The following NAV2 variants were observed in gnomAD, a reference collection of about 807,000 sequenced individuals.
NAV2 encodes the protein helicase, APC down-regulated 1.
A neutral mutation model predicts 223.2 loss-of-function variants in NAV2; 54 were observed. The ratio of observed to expected loss-of-function variants is 0.24; its 90% CI spans 0.19 to 0.30. The LOEUF (loss-of-function observed/expected upper bound fraction) is 0.30, where lower values mean the gene tolerates loss of function less well. NAV2 is among the 10% of genes least tolerant of loss of function. NAV2 has a pLI of 1.00. For synonymous variants in NAV2, 1,279 were observed against 1,239.3 expected (o/e 1.03, Z -0.67); for missense variants, 2,806 against 3,147.5 (o/e 0.89, Z 2.60).
chr11:19,419,025 A>C (rs1194579266), intron 1 of NAV2, among the ~76,000 whole-genome samples: 1 of 152,108 alleles, frequency 6.6e-6, no homozygotes, highest in South Asian at 2.1e-4. Flanking sequence ...TAGGGACTCA[A>C]GGAGGGTATA....
chr11:19,819,827 A>G (rs986425623), intron 1 of NAV2, among the ~76,000 whole-genome samples: 18 of 152,346 alleles, frequency 1.2e-4, no homozygotes, highest in African/African-American at 4.3e-4. Context: ...GGATTGCCCA[A>G]AGCCACAAAG....
chr11:19,479,079 G>T (rs1195159132), intron 1 of NAV2, among the ~76,000 whole-genome samples: 4 of 152,134 alleles, frequency 2.6e-5, no homozygotes, highest in Non-Finnish European at 5.9e-5. Flanking sequence ...CTGGAGGGTC[G>T]CTGTGAGTTG....
At chr11:19,545,239 C>T (rs1005668369) in intron 1 of NAV2, among the ~76,000 whole-genome samples, 1 of 152,208 alleles carries the variant, frequency 6.6e-6, no homozygotes, top group African/African-American at 2.4e-5. Flanking sequence ...CTGTAAGCTT[C>T]ATAAGGTGGG....
intron 1 of NAV2, among the ~76,000 whole-genome samples, chr11:19,414,653 C>G (rs1290114424): frequency 1.3e-5 from 2 of 152,202 alleles, no homozygotes; most frequent in Non-Finnish European, 2.9e-5. Flanking sequence ...ATCTTCTCAG[C>G]ACCACATCTC....
intron 12 of NAV2, among the ~76,000 whole-genome samples, chr11:20,036,692 C>T (rs568553817): frequency 6.6e-6 from 1 of 152,188 alleles, no homozygotes; most frequent in South Asian, 2.1e-4. Context: ...ATGAAAATGT[C>T]TTCCTGGTTG....
intron 11 of NAV2, among the ~76,000 whole-genome samples, chr11:20,023,422 T>A (rs566544088): frequency 3.7e-4 from 56 of 152,252 alleles, no homozygotes; most frequent in African/African-American, 1.3e-3. Context: ...CCTAGACATT[T>A]GGGTAATGTC....
chr11:20,035,691 G>C (rs1184969735), intron 11 of NAV2, among the ~76,000 whole-genome samples: 1 of 152,198 alleles, frequency 6.6e-6, no homozygotes, highest in African/African-American at 2.4e-5. Context: ...TTGAGAATGG[G>C]GTAGGACATG....
At chr11:19,377,576 G>A (rs1848683424) in intron 1 of NAV2, among the ~76,000 whole-genome samples, 1 of 152,166 alleles carries the variant, frequency 6.6e-6, no homozygotes, top group Non-Finnish European at 1.5e-5. Flanking sequence ...TTCCCAGTAT[G>A]CAGCACTGTG....
chr11:19,365,743 T>G (rs1294827866), intron 1 of NAV2, among the ~76,000 whole-genome samples: 1 of 152,264 alleles, frequency 6.6e-6, no homozygotes, highest in Non-Finnish European at 1.5e-5. Flanking sequence ...TTTTATGTTT[T>G]CCCTTCTGTC....
At chr11:19,902,299 A>T (rs1332630951) in intron 6 of NAV2, among the ~76,000 whole-genome samples, 1 of 152,214 alleles carries the variant, frequency 6.6e-6, no homozygotes, top group African/African-American at 2.4e-5. Context: ...TCAGAAGAGG[A>T]GACACAAAAA....
At chr11:20,106,199 A>G (rs376575524) in intron 35 of NAV2, among the ~76,000 whole-genome samples, 2,066 of 26,990 alleles carry the variant, frequency 0.077, 448 homozygotes, top group Non-Finnish European at 0.19. Flanking sequence ...ATATATATAT[A>G]TATATATATA....
At chr11:19,518,073 G>A (rs2043515396) in intron 1 of NAV2, among the ~76,000 whole-genome samples, 1 of 152,346 alleles carries the variant, frequency 6.6e-6, no homozygotes, top group East Asian at 1.9e-4. Context: ...TGAATAGAGT[G>A]GGCTATTGAC....
At chr11:19,831,260 T>G (rs2059927213) in intron 1 of NAV2, among the ~76,000 whole-genome samples, 5 of 86,888 alleles carry the variant, frequency 5.8e-5, no homozygotes, top group Non-Finnish European at 8.8e-5. Context: ...TGGGGGGGGA[T>G]GACCATTGTG....
At chr11:19,678,004 G>A (rs1287205903) in intron 1 of NAV2, among the ~76,000 whole-genome samples, 3 of 152,204 alleles carry the variant, frequency 2.0e-5, no homozygotes, top group Non-Finnish European at 2.9e-5. Flanking sequence ...CCTTTGAGGA[G>A]AAGAGAATCC....
chr11:19,895,323 C>A (rs111486027), intron 6 of NAV2, among the ~76,000 whole-genome samples: 6 of 151,960 alleles, frequency 3.9e-5, no homozygotes, highest in African/African-American at 1.4e-4. Context: ...GTGATCTGCC[C>A]GCCTCGGCCT....
intron 1 of NAV2, among the ~76,000 whole-genome samples, chr11:19,535,395 C>T (rs983385378): frequency 6.6e-6 from 1 of 152,150 alleles, no homozygotes; most frequent in East Asian, 1.9e-4. Context: ...TGGGGAACTA[C>T]AGCTCAGCCT....
chr11:20,100,592 T>TGTGG, intron 31 of NAV2, among the ~76,000 whole-genome samples: 1 of 135,090 alleles, frequency 7.4e-6, no homozygotes, highest in Non-Finnish European at 1.6e-5. Flanking sequence ...TGTGTGTGTG[T>TGTGG]AGTAAGTATA....
chr11:19,370,056 C>T (rs1489673464), intron 1 of NAV2, among the ~76,000 whole-genome samples: 1 of 152,196 alleles, frequency 6.6e-6, no homozygotes, highest in Non-Finnish European at 1.5e-5. Flanking sequence ...ATCAGCCTTT[C>T]AATTGCCTCC....
rs11825930 is a variant in NAV2, at chr11:19,414,847, T to C, written c.75+63820T>C. ...GAACAACCTGCTCCTGAATGACTAC[T>C]GGGTAAATAATGAAGTTAAGGCAGA... On this transcript the variant is annotated intron_variant, in intron 1 of 37. Transcript: ENST00000360655. Among the ~76,000 whole-genome samples, 505 of 152,284 alleles carry C rather than the reference T, an allele frequency of 3.3e-3. 4 individuals carry two copies. The highest frequency in any genetic ancestry group is 0.011 in the African/African-American group (469 of 41,550).
Sources: gnomAD v4.1 joint callset for allele counts (sites outside exome capture counted in the v4.1 genomes callset) on GRCh38, gnomAD v4.1.1 for gene constraint, MANE v1.5 for transcripts, NCBI Gene and HGNC (gene_info 2026-07-23, HGNC 2026-07-21) for gene names.